Variants in SCN1A observed in about 807,000 individuals in gnomAD.
SCN1A encodes sodium voltage-gated channel alpha subunit 1, also known as sodium channel protein type 1 subunit alpha.
A neutral mutation model predicts 193.7 loss-of-function variants in SCN1A; 13 were observed. The ratio of observed to expected loss-of-function variants is 0.07; its 90% CI spans 0.04 to 0.11. The LOEUF is 0.11. Among genes scored for constraint, SCN1A ranks in the 10% least tolerant of loss-of-function variants. The probability of loss-of-function intolerance (pLI) is 1.00; values close to 1 mark genes in which losing one functional copy is unlikely to be tolerated. For missense variants in SCN1A, 1,432 were observed against 2,451.1 expected, an observed-to-expected ratio of 0.58 and a Z score of 8.78; for synonymous variants, 781 against 843.6, an observed-to-expected ratio of 0.93 and a Z score of 1.29.
At position 166,073,594 on chromosome 2, in the gene SCN1A, C is replaced by G. The variant is rs1459246073; in HGVS notation, c.28G>C (p.Gly10Arg). The G allele has an allele frequency of 1.2e-6, 2 of 1,614,162 alleles. No individual in the cohort carries two copies. Among genetic ancestry groups the G allele is most frequent in the Admixed American group, 1.7e-5 (1 of 60,024 alleles). ...GTGAAGAAGTTGAAGCTGTCAGGTC[C>G]TGGTGGTACAAGCACTGTTTGCTCC... MEQTVLVPP[G>R]PDSFNFFTRE... Residue 10 changes from glycine to arginine, a missense_variant, in exon 4 of 29, where the codon GGA becomes CGA. This residue lies in a region of SCN1A where 55 missense variants were observed against 58.4 expected (regional missense o/e 0.94). Coordinates refer to ENST00000674923, the MANE Select transcript of SCN1A (RefSeq NM_001165963.4).
intron 2 of SCN1A, among the ~76,000 whole-genome samples, chr2:166,107,096 T>C (rs941659767): frequency 6.6e-6 from 1 of 152,184 alleles, no homozygotes; most frequent in African/African-American, 2.4e-5. Flanking sequence ...TAACTACTTG[T>C]ATAGACCAAC....
rs143888312 is a variant in SCN1A, at chr2:166,091,970, T to A, written c.-141-14169A>T. Among the ~76,000 whole-genome samples the A allele has an allele frequency of 1.6e-3, 246 of 152,260 alleles. 1 individual carries two copies. Among genetic ancestry groups the A allele is most frequent in the African/African-American group, 5.6e-3 (232 of 41,554 alleles). On this transcript the variant is annotated intron_variant, in intron 2 of 28. Transcript: ENST00000674923. ...CAAATGTCACTGTCCTTCCCACCCA[T>A]CTCATTCTAACACAAGTGTTATCAT...
intron 4 of SCN1A, among the ~76,000 whole-genome samples, chr2:166,069,727 G>A (rs913989781): frequency 2.6e-5 from 4 of 152,276 alleles, no homozygotes; most frequent in Non-Finnish European, 2.9e-5. Context: ...TTTGTATACT[G>A]ATGCAAATGA....
intron 2 of SCN1A, among the ~76,000 whole-genome samples, chr2:166,078,691 A>C (rs1375631558): frequency 1.3e-5 from 2 of 151,742 alleles, no homozygotes; most frequent in African/African-American, 2.4e-5. Flanking sequence ...TAGGAATGCT[A>C]TATCATAAAG....
intron 4 of SCN1A, among the ~76,000 whole-genome samples, chr2:166,072,364 G>A (rs115724826): frequency 0.01 from 1,532 of 152,144 alleles, 14 homozygotes; most frequent in Non-Finnish European, 0.016. Flanking sequence ...CATAATGAAC[G>A]GTTGGATGCT....
chr2:165,993,729 C>T (rs535204769), intron 28 of SCN1A: 1 of 191,296 alleles, frequency 5.2e-6, no homozygotes, highest in Admixed American at 5.6e-5. Context: ...TATCTTGAAA[C>T]CACTTTCCAC....
At chr2:166,002,136 G>A (rs1278250461) in intron 24 of SCN1A, among the ~76,000 whole-genome samples, 1 of 151,330 alleles carries the variant, frequency 6.6e-6, no homozygotes, top group Non-Finnish European at 1.5e-5. Context: ...TAGCTGATCA[G>A]GGAAACAAGC....
intron 2 of SCN1A, among the ~76,000 whole-genome samples, chr2:166,082,313 C>T (rs1685614636): frequency 6.6e-6 from 1 of 151,980 alleles, no homozygotes; most frequent in African/African-American, 2.4e-5. Flanking sequence ...AATGGTGGGA[C>T]TTAAATCAGA....
intron 1 of SCN1A, among the ~76,000 whole-genome samples, chr2:166,144,012 G>T (rs1015484326): frequency 2.0e-5 from 3 of 152,180 alleles, no homozygotes; most frequent in Non-Finnish European, 4.4e-5. Context: ...AACCCAAAGA[G>T]ATTTTCTCAA....
intron 9 of SCN1A, 93 bp from the exon 10 acceptor site, chr2:166,049,042 T>C (rs1698219999): frequency 3.9e-6 from 3 of 778,276 alleles, no homozygotes; most frequent in African/African-American, 3.4e-5. Context: ...TTTAAGTTTA[T>C]TGAGTAATTT....
intron 26 of SCN1A, among the ~76,000 whole-genome samples, chr2:165,997,700 G>T (rs1467121667): frequency 6.6e-6 from 1 of 151,228 alleles, no homozygotes; most frequent in African/African-American, 2.4e-5. Flanking sequence ...TAGTTGTAGG[G>T]ATAAAGTAAC....
chr2:166,068,493 A>G (rs976241181), intron 4 of SCN1A, among the ~76,000 whole-genome samples: 4 of 152,160 alleles, frequency 2.6e-5, no homozygotes, highest in African/African-American at 7.2e-5. Context: ...TAAGCAAAGA[A>G]CAGCTACACA....
At chr2:166,072,644 T>A (rs997904162) in intron 4 of SCN1A, among the ~76,000 whole-genome samples, 1 of 152,098 alleles carries the variant, frequency 6.6e-6, no homozygotes, top group Non-Finnish European at 1.5e-5. Context: ...GCATGAAAAA[T>A]TAGTACTAAT....
chr2:166,036,086 C>T lies in SCN1A; in HGVS notation c.3391G>A (p.Asp1131Asn), dbSNP rs372555722. ...TCCAGATCCGATTCACTACTAAAGT[C>T]TTCCGTGTTTAAATTTTCAAAGTCA... ...ESDFENLNTE[D>N]FSSESDLEES... is the part of the protein sequence containing the mutation. Residue 1131 changes from aspartate to asparagine, a missense_variant, in exon 19 of 29, where the codon GAC becomes AAC. By Grantham distance (23) the Asp-to-Asn change is conservative. This residue lies in a region of SCN1A where 198 missense variants were observed against 225.8 expected (regional missense o/e 0.88). Coordinates refer to ENST00000674923, the MANE Select transcript of SCN1A (RefSeq NM_001165963.4). The T allele has an allele frequency of 1.1e-5, 18 of 1,613,740 alleles. No individual in the cohort carries two copies. The highest frequency in any genetic ancestry group is 1.4e-5 in the Non-Finnish European group (17 of 1,179,908).
chr2:166,110,072 A>G (rs1306522152), intron 2 of SCN1A, among the ~76,000 whole-genome samples: 1 of 152,124 alleles, frequency 6.6e-6, no homozygotes, highest in African/African-American at 2.4e-5. Flanking sequence ...GGGGACACAT[A>G]CCCCATTTAC....
Position 166,018,760 on chromosome 2 carries a change from T to C in SCN1A, c.3430-3033A>G, listed in dbSNP as rs1438182068. ...AAATTGAACAATATAAGAGTTGGCA[T>C]GCAATTGGACATACACGAACTCTAC... is the stretch of plus-strand genomic sequence containing the variant. On this transcript the variant is annotated intron_variant, in intron 19 of 28. Transcript: ENST00000674923. 5.3e-5 allele frequency among the ~76,000 whole-genome samples: 8 copies of C among 152,044 alleles called. No homozygotes were observed. The South Asian group carries it at 8.3e-4, about 16-fold the overall frequency.
intron 2 of SCN1A, among the ~76,000 whole-genome samples, chr2:166,115,856 A>G (rs1689797283): frequency 6.6e-6 from 1 of 152,250 alleles, no homozygotes; most frequent in African/African-American, 2.4e-5. Context: ...AGACAGGGGA[A>G]TAAGCACAAT....
At chr2:166,093,681 G>A (rs1243548081) in intron 2 of SCN1A, among the ~76,000 whole-genome samples, 2 of 152,120 alleles carry the variant, frequency 1.3e-5, no homozygotes, top group Admixed American at 6.6e-5. Context: ...ACTTATACCC[G>A]CTTAAATGTG....
rs1276631960 is a variant in SCN1A, at chr2:166,041,424, A to T, written c.2222T>A (p.Phe741Tyr). The change falls in exon 16 of 29, where the codon TTT (phenylalanine) becomes TAT (tyrosine). Residue 741 changes from phenylalanine to tyrosine, a missense_variant. By Grantham distance (22) the Phe-to-Tyr change is conservative. Transcript: ENST00000674923. ...RQKCPPCWYK[F>Y]SNIFLIWDCS... ...GTCCCAGATTAAGAATATGTTGGAA[A>T]ATTTATACCAACAGGGTGGGCATTT... 1 of 1,613,626 alleles carries T rather than the reference A, an allele frequency of 6.2e-7. No individual in the cohort carries two copies. Among genetic ancestry groups the T allele is most frequent in the Non-Finnish European group, 8.5e-7 (1 of 1,179,772 alleles).
Sources: gnomAD v4.1 joint callset for allele counts (sites outside exome capture counted in the v4.1 genomes callset) on GRCh38, gnomAD v4.1.1 for gene constraint, gnomAD v4.1.1 regional missense constraint, MANE v1.5 for transcripts, NCBI Gene and HGNC (gene_info 2026-07-23, HGNC 2026-07-21) for gene names.